GLT8D2: variants seen among roughly 807,000 people sequenced by gnomAD.
GLT8D2 encodes glycosyltransferase 8 domain-containing protein 2.
GLT8D2 carries 45 observed loss-of-function variants against 44.5 expected under a neutral mutation model. The observed-to-expected ratio is 1.01, with a 90% confidence interval of 0.80 to 1.30. GLT8D2 has a LOEUF of 1.30. GLT8D2 is among the 50% of genes most tolerant of loss of function. The pLI is 0.00. For synonymous variants in GLT8D2, 156 were observed against 157.2 expected (o/e 0.99, Z 0.06); for missense variants, 400 against 430.4 (o/e 0.93, Z 0.62).
chr12:104,054,945 T>C (rs566007123), upstream of GLT8D2, among the ~76,000 whole-genome samples: 1 of 152,262 alleles, frequency 6.6e-6, no homozygotes, highest in East Asian at 1.9e-4. Flanking sequence ...AATAGGGTAA[T>C]GGTGGAGACT....
Position 104,011,678 on chromosome 12 carries a change from TA to T in GLT8D2, c.112+3334del, listed in dbSNP as rs761131584. Among the ~76,000 whole-genome samples the T allele has an allele frequency of 1.3e-3, 205 of 152,314 alleles. 3 individuals carry two copies. Among genetic ancestry groups the T allele is most frequent in the South Asian group, 1.2e-3 (6 of 4,820 alleles). ...AACTTAGAACACTAGTTCTTTGAAT[TA>T]ATGTTTTTCAAATTATAAAAAATAA... is the stretch of plus-strand genomic sequence containing the variant. On this transcript the variant is annotated intron_variant, in intron 4 of 10. Coordinates refer to ENST00000360814, the MANE Select transcript of GLT8D2 (RefSeq NM_001384711.1).
chr12:104,003,763 A>G (rs1027945745), intron 4 of GLT8D2, among the ~76,000 whole-genome samples: 45 of 152,312 alleles, frequency 3.0e-4, no homozygotes, highest in African/African-American at 1.0e-3. Context: ...TAATTGTGGA[A>G]CTGATACATC....
At chr12:104,022,725 T>C (rs1262751219) in intron 1 of GLT8D2, among the ~76,000 whole-genome samples, 2 of 151,628 alleles carry the variant, frequency 1.3e-5, no homozygotes, top group African/African-American at 2.4e-5. Flanking sequence ...TCTATTCATA[T>C]ATATAAGTAA....
At chr12:104,046,281 C>T (rs995372394) in intron 1 of GLT8D2, among the ~76,000 whole-genome samples, 7 of 151,898 alleles carry the variant, frequency 4.6e-5, no homozygotes, top group Admixed American at 6.6e-5. Context: ...TTAACACTTA[C>T]GTAGCAATTC....
intron 6 of GLT8D2, among the ~76,000 whole-genome samples, chr12:103,998,257 C>T (rs1477231655): frequency 1.4e-5 from 2 of 147,330 alleles, no homozygotes; most frequent in African/African-American, 2.5e-5. Context: ...TTTTTTGAGA[C>T]AGGGTCTCTC....
At chr12:104,064,379 C>T (rs768346808), upstream of GLT8D2, 194 of 502,250 alleles carry the variant, frequency 3.9e-4, 2 homozygotes, top group Non-Finnish European at 5.6e-4. This position sits in a 1 kb window ranked among gnomAD's most constrained non-coding sequence, Gnocchi z 7.3. Flanking sequence ...GGGGGCGGGG[C>T]TCCCCTGTCA....
chr12:104,013,843 G>A (rs1379102911), intron 4 of GLT8D2, among the ~76,000 whole-genome samples: 1 of 152,310 alleles, frequency 6.6e-6, no homozygotes, highest in East Asian at 1.9e-4. Flanking sequence ...CTAGGCTCAA[G>A]TGATCCTCTC....
intron 5 of GLT8D2, 24 bp from the exon 6 acceptor site, chr12:103,999,538 T>C (rs1002702666): frequency 7.3e-7 from 1 of 1,362,090 alleles, no homozygotes; most frequent in Non-Finnish European, 1.1e-6. Flanking sequence ...CAAAAAAACC[T>C]CTAGTATACC....
In GLT8D2 at chr12:103,999,499, A is replaced by G. The variant is rs1199936604; in HGVS notation, c.300T>C (p.His100=). The part of the protein sequence containing the change: ...TLTRIRKWIE[H]SKLREINFKI... Reference sequence around the variant, plus strand: ...TAAAGTTTATTTCTCTCAGTTTGGAATGTTCAATCCATTTTCTAAAAAGAT... The same window carrying G: ...TAAAGTTTATTTCTCTCAGTTTGGAGTGTTCAATCCATTTTCTAAAAAGAT... Residue 100 remains histidine (H), a synonymous_variant, in exon 6 of 11, where the codon CAT becomes CAC. Coordinates refer to ENST00000360814, the MANE Select transcript of GLT8D2 (RefSeq NM_001384711.1). 1 of 1,606,042 alleles carries G rather than the reference A, an allele frequency of 6.2e-7. No homozygotes were observed. The highest frequency in any genetic ancestry group is 8.5e-7 in the Non-Finnish European group (1 of 1,173,738).
chr12:103,992,486 TC>T (rs1872866593), intron 10 of GLT8D2, among the ~76,000 whole-genome samples: 2 of 147,284 alleles, frequency 1.4e-5, no homozygotes, highest in East Asian at 1.9e-4. Flanking sequence ...TCTCTCTCTC[TC>T]TCTCTTTTTT....
chr12:104,045,928 A>AAAGG (rs1491387021), intron 1 of GLT8D2, among the ~76,000 whole-genome samples: 3 of 147,948 alleles, frequency 2.0e-5, no homozygotes, highest in South Asian at 2.2e-4. Context: ...AGAAAGAAAG[A>AAAGG]AAGAAAGAAA....
chr12:104,051,756 T>G (rs753172673), upstream of GLT8D2, among the ~76,000 whole-genome samples: 35 of 152,174 alleles, frequency 2.3e-4, no homozygotes, highest in Non-Finnish European at 4.0e-4. Flanking sequence ...GTGTTTTTTT[T>G]TTAACTAAGT....
At chr12:104,043,384 G>A (rs1403940013) in intron 1 of GLT8D2, among the ~76,000 whole-genome samples, 1 of 152,116 alleles carries the variant, frequency 6.6e-6, no homozygotes. Flanking sequence ...TAATCCACGT[G>A]TCCAAAACTG....
At position 104,031,467 on chromosome 12, in the gene GLT8D2, T is replaced by C. The variant is rs1879247730; in HGVS notation, c.-163-9976A>G. On this transcript the variant is annotated intron_variant, in intron 1 of 10. Transcript: ENST00000360814. The stretch of plus-strand genomic sequence containing the variant: ...AAGAACTTGAAGCCTATCAAGCCCA[T>C]GCAGTTTCTGGGGGATGAGGAGACG... The C allele has an allele frequency of 1.9e-6, 3 of 1,613,240 alleles. No individual in the cohort carries two copies. In the South Asian group the frequency reaches 3.3e-5, roughly 18 times the overall value.
At chr12:104,053,595 T>C (rs1412082741), upstream of GLT8D2, among the ~76,000 whole-genome samples, 1 of 152,170 alleles carries the variant, frequency 6.6e-6, no homozygotes, top group African/African-American at 2.4e-5. Flanking sequence ...TAAACAAAAG[T>C]AATATTTAGC....
Position 103,993,427 on chromosome 12 carries a change from G to T in GLT8D2, c.845C>A (p.Ser282Tyr). The T allele has an allele frequency of 1.9e-6, 3 of 1,614,030 alleles. No homozygotes were observed. Among genetic ancestry groups the T allele is most frequent in the Non-Finnish European group, 2.5e-6 (3 of 1,179,904 alleles). The change falls in exon 10 of 11, where the codon TCC (serine) becomes TAC (tyrosine). Residue 282 changes from serine to tyrosine, a missense_variant. Coordinates refer to ENST00000360814, the MANE Select transcript of GLT8D2 (RefSeq NM_001384711.1). ...PMLIVFHGKY[S>Y]TINPLWHIRH... ...TATGTGCCACAGGGGGTTAATTGTG[G>T]AATATTTCCCATGAAACACAATCAG...
chr12:104,009,672 C>T (rs947809489), intron 4 of GLT8D2, among the ~76,000 whole-genome samples: 1 of 152,118 alleles, frequency 6.6e-6, no homozygotes, highest in African/African-American at 2.4e-5. Context: ...GTGTCCCCAC[C>T]CAAATCTCAT....
At chr12:104,008,295 G>A (rs900240588) in intron 4 of GLT8D2, among the ~76,000 whole-genome samples, 13 of 152,206 alleles carry the variant, frequency 8.5e-5, no homozygotes, top group African/African-American at 2.9e-4. Flanking sequence ...GGCCTCAGAT[G>A]TAGATGAGGA....
upstream of GLT8D2, among the ~76,000 whole-genome samples, chr12:104,052,987 A>G (rs969881394): frequency 6.6e-6 from 1 of 152,210 alleles, no homozygotes; most frequent in Non-Finnish European, 1.5e-5. Flanking sequence ...CATAAGGTTC[A>G]GGGGCAGCAC....
Sources: gnomAD v4.1 joint callset for allele counts (sites outside exome capture counted in the v4.1 genomes callset) on GRCh38, gnomAD v4.1.1 for gene constraint, Gnocchi (gnomAD v3.1) non-coding constraint, MANE v1.5 for transcripts, NCBI Gene and HGNC (gene_info 2026-07-23, HGNC 2026-07-21) for gene names.